Variants in UTRN observed in about 807,000 individuals in gnomAD.
UTRN encodes the protein dystrophin-related protein 1.
UTRN carries 283 observed loss-of-function variants against 463.9 expected under a neutral mutation model. The ratio of observed to expected loss-of-function variants is 0.61; its 90% CI spans 0.55 to 0.67. UTRN has a LOEUF of 0.67. Among genes scored for constraint, UTRN ranks in the 30% least tolerant of loss-of-function variants. The pLI, the probability that UTRN is intolerant of heterozygous loss-of-function variation, is 0.00. For missense variants in UTRN, 3,922 were observed against 4,084.3 expected, an observed-to-expected ratio of 0.96 and a Z score of 1.08; for synonymous variants, 1,442 against 1,431.5, an observed-to-expected ratio of 1.01 and a Z score of -0.17.
intron 51 of UTRN, among the ~76,000 whole-genome samples, chr6:144,619,076 TATA>T (rs1447247317): frequency 6.6e-6 from 1 of 152,156 alleles, no homozygotes; most frequent in Non-Finnish European, 1.5e-5. Flanking sequence ...TTATTTTAGA[TATA>T]ATTTCTTTGT....
At chr6:144,454,496 A>C (rs1195159510) in intron 19 of UTRN, among the ~76,000 whole-genome samples, 2 of 151,952 alleles carry the variant, frequency 1.3e-5, no homozygotes, top group East Asian at 3.9e-4. Context: ...CATTTCTTGC[A>C]CTCCATGTAC....
At chr6:144,336,450 C>T (rs1272762893) in intron 2 of UTRN, among the ~76,000 whole-genome samples, 2 of 152,170 alleles carry the variant, frequency 1.3e-5, no homozygotes, top group Non-Finnish European at 2.9e-5. Context: ...CATTGGGGTT[C>T]ATAGGCTGGT....
intron 39 of UTRN, among the ~76,000 whole-genome samples, chr6:144,519,183 C>T (rs893167604): frequency 1.3e-5 from 2 of 152,080 alleles, no homozygotes; most frequent in Non-Finnish European, 2.9e-5. Context: ...GCCATAATTG[C>T]TATAAAATAT....
chr6:144,450,232 C>A (rs771460000), intron 17 of UTRN, among the ~76,000 whole-genome samples: 1 of 152,202 alleles, frequency 6.6e-6, no homozygotes, highest in African/African-American at 2.4e-5. Flanking sequence ...ATAGAACTCT[C>A]CCTTGGCTCT....
At chr6:144,658,191 G>A (rs11155367) in intron 51 of UTRN, among the ~76,000 whole-genome samples, 20,646 of 152,150 alleles carry the variant, frequency 0.14, 1,738 homozygotes, top group South Asian at 0.26. Flanking sequence ...GGTGAAACAC[G>A]TTCTGCTAGA....
At position 144,470,501 on chromosome 6, in the gene UTRN, G is replaced by A. The variant is rs554175609; in HGVS notation, c.3067-3219G>A. Among the ~76,000 whole-genome samples the A allele has an allele frequency of 4.0e-5, 6 of 151,522 alleles. No individual in the cohort carries two copies. The East Asian group carries it at 1.2e-3, about 30-fold the overall frequency. ...GGGCAGAGACGCTCCCCACATCCCA[G>A]ATGATGGGCGGCCAGGCAGAGATGC... On this transcript the variant is annotated intron_variant, in intron 23 of 74. Coordinates refer to ENST00000367545, the MANE Select transcript of UTRN (RefSeq NM_007124.3).
rs115247506 is a variant in UTRN at position 144,327,419 on chromosome 6, A to G, written c.79+35512A>G. 3.8e-3 allele frequency among the ~76,000 whole-genome samples: 584 copies of G among 152,118 alleles called. 5 individuals are homozygous for G. Among genetic ancestry groups the G allele is most frequent in the African/African-American group, 0.013 (520 of 41,468 alleles). Reference sequence around the variant, plus strand: ...AACCAGGGCCTGCTGGCTGCCCTTGAGGTTCTGCAGAGCTTGGTTTTGGTG... The same window carrying G: ...AACCAGGGCCTGCTGGCTGCCCTTGGGGTTCTGCAGAGCTTGGTTTTGGTG... On this transcript the variant is annotated intron_variant, in intron 2 of 74. Coordinates refer to ENST00000367545, the MANE Select transcript of UTRN (RefSeq NM_007124.3).
intron 41 of UTRN, among the ~76,000 whole-genome samples, chr6:144,524,958 T>G (rs1182506090): frequency 6.6e-6 from 1 of 152,172 alleles, no homozygotes; most frequent in Non-Finnish European, 1.5e-5. Context: ...GATCATGTGA[T>G]TTTTGTTTTA....
At chr6:144,582,678 TAGACAAA>T (rs1802079521) in intron 51 of UTRN, among the ~76,000 whole-genome samples, 1 of 152,218 alleles carries the variant, frequency 6.6e-6, no homozygotes, top group Non-Finnish European at 1.5e-5. Context: ...GCTGTTTAAT[TAGACAAA>T]TCCTAACCTA....
chr6:144,483,203 C>T (rs898842096), intron 27 of UTRN, among the ~76,000 whole-genome samples: 2 of 152,052 alleles, frequency 1.3e-5, no homozygotes, highest in African/African-American at 2.4e-5. Flanking sequence ...TGTTCTAAAC[C>T]AATTTTGTGC....
intron 51 of UTRN, among the ~76,000 whole-genome samples, chr6:144,635,138 G>GTTTT (rs149100143): frequency 3.9e-4 from 40 of 103,082 alleles, no homozygotes; most frequent in Non-Finnish European, 5.4e-4. Flanking sequence ...TTATTTGTGT[G>GTTTT]TTTTTTTTTT....
chr6:144,730,612 A>T lies in UTRN; in HGVS notation c.7939+126A>T, dbSNP rs531201415. ...ATTTAAATCTTTTCTTCTAAGTGTT[A>T]CTTTATTCAAATATGTCATTAATTC... On this transcript the variant is annotated intron_variant, in intron 54 of 74. Coordinates refer to ENST00000367545, the MANE Select transcript of UTRN (RefSeq NM_007124.3). The T allele has an allele frequency of 5.2e-6, 6 of 1,150,390 alleles. No individual in the cohort carries two copies. The East Asian group carries it at 1.9e-4, about 36-fold the overall frequency. 71.3% of individuals were successfully genotyped at this position (1,150,390 alleles called of 1,614,324 possible). A position where few individuals can be genotyped will look rare whatever the true frequency, so the allele number is the denominator to read the frequency against.
chr6:144,732,243 T>TATATATATATAC (rs1788670136), intron 54 of UTRN, among the ~76,000 whole-genome samples: 3 of 100,990 alleles, frequency 3.0e-5, no homozygotes, highest in African/African-American at 1.7e-4. Flanking sequence ...TATATACATA[T>TATATATATATAC]ATATATATAT....
At chr6:144,551,127 G>C in intron 48 of UTRN, 45 bp downstream of exon 48, 1 of 1,204,632 alleles carries the variant, frequency 8.3e-7, no homozygotes, top group Non-Finnish European at 1.2e-6. Context: ...CACTTTCCCT[G>C]CAAATGGTGA....
At chr6:144,347,840 T>TTTTTTTTG (rs1777728945) in intron 2 of UTRN, among the ~76,000 whole-genome samples, 1 of 146,492 alleles carries the variant, frequency 6.8e-6, no homozygotes, top group African/African-American at 2.8e-5. Flanking sequence ...ATTCTTTGTT[T>TTTTTTTTG]TTTTTTTTTG....
At chr6:144,522,311 C>A in intron 40 of UTRN, 140 bp downstream of exon 40, 1 of 616,450 alleles carries the variant, frequency 1.6e-6, no homozygotes, top group Non-Finnish European at 2.4e-6. Context: ...ACTAGTAAAG[C>A]TTTCCTATAT....
intron 50 of UTRN, among the ~76,000 whole-genome samples, chr6:144,564,661 G>T (rs1800241278): frequency 6.6e-6 from 1 of 152,130 alleles, no homozygotes; most frequent in East Asian, 1.9e-4. Context: ...GGCAGGAAGA[G>T]AATTGCTGAG....
intron 64 of UTRN, among the ~76,000 whole-genome samples, chr6:144,798,428 G>C (rs1044650712): frequency 6.6e-6 from 1 of 152,166 alleles, no homozygotes; most frequent in Non-Finnish European, 1.5e-5. Context: ...TGCCAAGTTT[G>C]ATGTGAAGTA....
At chr6:144,822,755 A>G (rs1779711059) in intron 66 of UTRN, among the ~76,000 whole-genome samples, 1 of 150,266 alleles carries the variant, frequency 6.7e-6, no homozygotes, top group East Asian at 2.0e-4. Context: ...ATGCCTTAGG[A>G]TAAAGACAAA....
Sources: gnomAD v4.1 joint callset for allele counts (sites outside exome capture counted in the v4.1 genomes callset) on GRCh38, gnomAD v4.1.1 for gene constraint, MANE v1.5 for transcripts, NCBI Gene and HGNC (gene_info 2026-07-23, HGNC 2026-07-21) for gene names.